Variants in L3MBTL2 observed in about 807,000 individuals in gnomAD.
L3MBTL2 encodes the protein L3MBTL histone methyl-lysine binding protein 2, also known as lethal(3)malignant brain tumor-like protein 2.
A neutral mutation model predicts 86.4 loss-of-function variants in L3MBTL2; 49 were observed. That is an observed-to-expected ratio of 0.57 (90% CI 0.45 to 0.72). L3MBTL2 has a LOEUF of 0.72. Among genes scored for constraint, L3MBTL2 ranks in the 30% least tolerant of loss-of-function variants. The pLI is 0.00. For synonymous variants in L3MBTL2, 336 were observed against 350.6 expected, an observed-to-expected ratio of 0.96 and a Z score of 0.47; for missense variants, 755 against 923.7, an observed-to-expected ratio of 0.82 and a Z score of 2.37.
rs2032057912 is a variant in L3MBTL2 at position 41,224,634 on chromosome 22, C to T, written c.1175-91C>T. 2 of 914,162 alleles carry T rather than the reference C, an allele frequency of 2.2e-6. No individual in the cohort carries two copies. The highest frequency in any genetic ancestry group is 3.6e-6 in the Non-Finnish European group (2 of 552,052). 56.6% of individuals were successfully genotyped at this position (914,162 alleles called of 1,614,324 possible). On this transcript the variant is annotated intron_variant, in intron 9 of 16. Coordinates refer to ENST00000216237, the MANE Select transcript of L3MBTL2 (RefSeq NM_031488.5). This position sits in a 1 kb window ranked among gnomAD's most constrained non-coding sequence, Gnocchi z 4.9. ...ACAGCTGAGAACACGTGCAGAGCAG[C>T]CCCACATTCCCAGGGGAGGCGTGTG...
At chr22:41,214,917 A>G (rs2031218004) in intron 3 of L3MBTL2, among the ~76,000 whole-genome samples, 1 of 152,196 alleles carries the variant, frequency 6.6e-6, no homozygotes, top group Admixed American at 6.5e-5. Flanking sequence ...AGGCTGAGGC[A>G]GGAGAATCGC....
Position 41,230,669 on chromosome 22 carries a change from T to G in L3MBTL2, c.*418T>G. On this transcript the variant is annotated 3_prime_UTR_variant, in exon 17 of 17. Transcript: ENST00000216237. ...GTCTGCCTGAACGAGCCATGTAAAT[T>G]AAGTTCTAGAGCAGCTCTCTGAGCA... The G allele has an allele frequency of 5.3e-6, 1 of 187,794 alleles. No homozygotes were observed. The highest frequency in any genetic ancestry group is 1.1e-4 in the South Asian group (1 of 8,964). The allele number at this position is 187,794 out of a possible 1,614,324, so 11.6% of individuals were successfully genotyped here. A position where few individuals can be genotyped will look rare whatever the true frequency, so the allele number is the denominator to read the frequency against.
Position 41,220,775 on chromosome 22 carries a change from G to A in L3MBTL2, c.760G>A (p.Ala254Thr), listed in dbSNP as rs771255844. ...TCGGTATGAAGGCTTTGAAAATGAC[G>A]CCAGCCATGACTTCTGGTGCAACCT... ...LLRYEGFEND[A>T]SHDFWCNLGT... The change falls in exon 7 of 17, where the codon GCC (alanine) becomes ACC (threonine). Residue 254 changes from alanine (A) to threonine (T), a missense_variant. Transcript: ENST00000216237. 15 of 1,612,710 alleles carry A rather than the reference G, an allele frequency of 9.3e-6. No homozygotes were observed. The highest frequency in any genetic ancestry group is 4.0e-5 in the African/African-American group (3 of 74,816).
At position 41,205,471 on chromosome 22, in the gene L3MBTL2, CG is replaced by C. The variant is rs2030129560; in HGVS notation, c.24+86del. On this transcript the variant is annotated intron_variant, in intron 1 of 16. Coordinates refer to ENST00000216237, the MANE Select transcript of L3MBTL2 (RefSeq NM_031488.5). ...GGCCCTTCTTTAGGGCTTTTAGCGA[CG>C]CCTGGAGGGTGGAGGGTGGGAGGAT... 3 of 1,488,174 alleles carry C rather than the reference CG, an allele frequency of 2.0e-6. No individual in the cohort carries two copies. The East Asian group carries it at 6.8e-5, about 34-fold the overall frequency. The allele number at this position is 1,488,174 out of a possible 1,614,324, so 92.2% of individuals were successfully genotyped here.
In L3MBTL2 at chr22:41,220,990, C is replaced by T. The variant is rs551715603; in HGVS notation, c.853+122C>T. ...TTGTTAGAACAGAATCCACTTGCCCCCTGGCTTCCTGCCCTCCCCATCCCA... is the reference window on the plus strand; with the variant it reads ...TTGTTAGAACAGAATCCACTTGCCCTCTGGCTTCCTGCCCTCCCCATCCCA... On this transcript the variant is annotated intron_variant, in intron 7 of 16. Transcript: ENST00000216237. The T allele has an allele frequency of 1.9e-4, 233 of 1,199,244 alleles. 2 individuals are homozygous for T. In the African/African-American group the frequency reaches 3.3e-3, roughly 17 times the overall value. 74.3% of individuals were successfully genotyped at this position (1,199,244 alleles called of 1,614,324 possible). A position where few individuals can be genotyped will look rare whatever the true frequency, so the allele number is the denominator to read the frequency against.
chr22:41,224,455 C>T lies in L3MBTL2; in HGVS notation c.1174+204C>T, dbSNP rs923968647. ...GTGAGTGGTAAAATCAAGATTTGAA[C>T]CCAGATGCTACCAGCCCCGATCCTC... On this transcript the variant is annotated intron_variant, in intron 9 of 16. Transcript: ENST00000216237. This position sits in a 1 kb window ranked among gnomAD's most constrained non-coding sequence, Gnocchi z 4.9. Among the ~76,000 whole-genome samples, 1 of 152,262 alleles carries T rather than the reference C, an allele frequency of 6.6e-6. No individual in the cohort carries two copies. Among genetic ancestry groups the T allele is most frequent in the East Asian group, 1.9e-4 (1 of 5,174 alleles).
chr22:41,226,155 T>C (rs1484409309), intron 12 of L3MBTL2, among the ~76,000 whole-genome samples: 1 of 152,164 alleles, frequency 6.6e-6, no homozygotes, highest in Non-Finnish European at 1.5e-5. Flanking sequence ...CAGGTGCCTA[T>C]AATCCCAGCC....
chr22:41,224,811 A>C lies in L3MBTL2; in HGVS notation c.1251+10A>C. On this transcript the variant is annotated intron_variant, in intron 10 of 16. Coordinates refer to ENST00000216237, the MANE Select transcript of L3MBTL2 (RefSeq NM_031488.5). This position sits in a 1 kb window ranked among gnomAD's most constrained non-coding sequence, Gnocchi z 4.9. Reference sequence around the variant, plus strand: ...TTACCTCTTCAAGAAGGTGAGGTTCAGCTCTTGGGCGCTTTTCCCCTCAGC... The same window carrying C: ...TTACCTCTTCAAGAAGGTGAGGTTCCGCTCTTGGGCGCTTTTCCCCTCAGC... The C allele has an allele frequency of 6.2e-7, 1 of 1,611,340 alleles. No individual in the cohort carries two copies. The highest frequency in any genetic ancestry group is 8.5e-7 in the Non-Finnish European group (1 of 1,177,486).
At position 41,224,500 on chromosome 22, in the gene L3MBTL2, C is replaced by T. The variant is rs1475669245; in HGVS notation, c.1175-225C>T. On this transcript the variant is annotated intron_variant, in intron 9 of 16. Coordinates refer to ENST00000216237, the MANE Select transcript of L3MBTL2 (RefSeq NM_031488.5). This position sits in a 1 kb window ranked among gnomAD's most constrained non-coding sequence, Gnocchi z 4.9. Reference sequence around the variant, plus strand: ...ATCCTCTCCCCTGTCAATGCGGGAGCAGTCTGGGTTTCGAGGGCTGAAGAG... The same window carrying T: ...ATCCTCTCCCCTGTCAATGCGGGAGTAGTCTGGGTTTCGAGGGCTGAAGAG... 6.6e-6 allele frequency among the ~76,000 whole-genome samples: 1 copy of T among 152,166 alleles called. No individual in the cohort carries two copies. The highest frequency in any genetic ancestry group is 1.5e-5 in the Non-Finnish European group (1 of 68,032).
intron 16 of L3MBTL2, 26 bp downstream of exon 16, chr22:41,229,682 G>T: frequency 6.2e-7 from 1 of 1,612,930 alleles, no homozygotes; most frequent in Non-Finnish European, 8.5e-7. Context: ...CTGGGTCAAG[G>T]CAGGACCAGC....
chr22:41,215,902 A>G (rs2031314368), intron 3 of L3MBTL2, among the ~76,000 whole-genome samples: 1 of 152,188 alleles, frequency 6.6e-6, no homozygotes, highest in Non-Finnish European at 1.5e-5. Flanking sequence ...AAGATAGAAC[A>G]TGGGTCTCTC....
At chr22:41,211,881 T>G (rs2030879863) in intron 2 of L3MBTL2, among the ~76,000 whole-genome samples, 1 of 65,562 alleles carries the variant, frequency 1.5e-5, no homozygotes, top group South Asian at 4.2e-4. Context: ...TTTTTTTTTT[T>G]GAAACAGAGT....
At position 41,230,569 on chromosome 22, in the gene L3MBTL2, C is replaced by A. The variant is rs1436763789; in HGVS notation, c.*318C>A. 2.8e-6 allele frequency: 1 copy of A among 355,910 alleles called. No individual in the cohort carries two copies. The highest frequency in any genetic ancestry group is 4.5e-5 in the Admixed American group (1 of 22,380). The allele number at this position is 355,910 out of a possible 1,614,324, so 22.0% of individuals were successfully genotyped here. A position where few individuals can be genotyped will look rare whatever the true frequency, so the allele number is the denominator to read the frequency against. On this transcript the variant is annotated 3_prime_UTR_variant, in exon 17 of 17. Coordinates refer to ENST00000216237, the MANE Select transcript of L3MBTL2 (RefSeq NM_031488.5). ...GCTCTTCCTTAAGATGGCCTCCCCCCGACCCGCCACGGCCCTCAGTTGCCA... is the reference window on the plus strand; with the variant it reads ...GCTCTTCCTTAAGATGGCCTCCCCCAGACCCGCCACGGCCCTCAGTTGCCA...
rs913589961 is a variant in L3MBTL2, at chr22:41,225,916, T to G, written c.1479T>G (p.Asn493Lys). Residue 493 changes from asparagine (N) to lysine (K), a missense_variant, in exon 12 of 17, where the codon AAT becomes AAG. By Grantham distance (94) the Asn-to-Lys change is moderately conservative. Coordinates refer to ENST00000216237, the MANE Select transcript of L3MBTL2 (RefSeq NM_031488.5). The surrounding 1 kb of genome is among the most constrained non-coding windows in gnomAD (Gnocchi z 4.1). ...TCCCGGCCACCTTCTGTCAGAAGAATGACATTGAGCTCACACCGCCAAAAG... is the reference window on the plus strand; with the variant it reads ...TCCCGGCCACCTTCTGTCAGAAGAAGGACATTGAGCTCACACCGCCAAAAG... ...AIFPATFCQK[N>K]DIELTPPKGY... The G allele has an allele frequency of 6.2e-7, 1 of 1,614,096 alleles. No individual in the cohort carries two copies. The highest frequency in any genetic ancestry group is 2.2e-5 in the East Asian group (1 of 44,884).
intron 3 of L3MBTL2, among the ~76,000 whole-genome samples, 190 bp from the exon 4 acceptor site, chr22:41,215,949 C>T (rs1028603046): frequency 6.6e-6 from 1 of 152,156 alleles, no homozygotes; most frequent in Non-Finnish European, 1.5e-5. Context: ...CCCTAGCACC[C>T]CCGACGCTTC....
At chr22:41,208,355 C>G in intron 1 of L3MBTL2, 2 of 440,908 alleles carry the variant, frequency 4.5e-6, no homozygotes, top group South Asian at 1.6e-5. Context: ...GTCTCAAACT[C>G]CTGGGTTCAA....
chr22:41,230,260 G>T lies in L3MBTL2; in HGVS notation c.*9G>T, dbSNP rs756455826. On this transcript the variant is annotated 3_prime_UTR_variant, in exon 17 of 17. Coordinates refer to ENST00000216237, the MANE Select transcript of L3MBTL2 (RefSeq NM_031488.5). ...AGGAAACAGACGACTGAGCCTTCCT[G>T]CCTCCAGCCTGGCTTCTAGCTGGAA... is the stretch of plus-strand genomic sequence containing the variant. The T allele has an allele frequency of 1.2e-5, 20 of 1,606,914 alleles. No individual in the cohort carries two copies. The East Asian group carries it at 2.5e-4, about 20-fold the overall frequency.
At chr22:41,226,997 C>T (rs2032229112) in intron 13 of L3MBTL2, 92 bp from the exon 14 acceptor site, 1 of 1,146,198 alleles carries the variant, frequency 8.7e-7, no homozygotes, top group Non-Finnish European at 1.2e-6. Context: ...CCCGCCCCTC[C>T]CTGCCAGTTC....
chr22:41,220,781 C>G lies in L3MBTL2; in HGVS notation c.766C>G (p.His256Asp). 6.2e-7 allele frequency: 1 copy of G among 1,614,044 alleles called. No homozygotes were observed. The highest frequency in any genetic ancestry group is 8.5e-7 in the Non-Finnish European group (1 of 1,179,972). Residue 256 changes from histidine (H) to aspartate (D), a missense_variant, in exon 7 of 17, where the codon CAT becomes GAT. By Grantham distance (81) the His-to-Asp change is moderately conservative. Transcript: ENST00000216237. ...RYEGFENDAS[H>D]DFWCNLGTVD... ...TGAAGGCTTTGAAAATGACGCCAGC[C>G]ATGACTTCTGGTGCAACCTGGGAAC...
Sources: allele counts gnomAD v4.1 joint callset (sites outside exome capture counted in the v4.1 genomes callset), GRCh38; gene constraint gnomAD v4.1.1; non-coding constraint Gnocchi (gnomAD v3.1); transcripts MANE v1.5; gene names NCBI Gene and HGNC (gene_info 2026-07-23, HGNC 2026-07-21).